PHF10: variants seen among roughly 807,000 people sequenced by gnomAD.
The protein encoded by PHF10 is PHD finger protein 10.
PHF10 carries 51 observed loss-of-function variants against 68.5 expected under a neutral mutation model. That is an observed-to-expected ratio of 0.74 (90% CI 0.59 to 0.94). The LOEUF is 0.94. Ranked by LOEUF, PHF10 falls within the 40% of genes least tolerant of loss-of-function variation. The pLI is 0.00. For synonymous variants in PHF10, 204 were observed against 203.5 expected, an observed-to-expected ratio of 1.00 and a Z score of -0.02; for missense variants, 460 against 602.6, an observed-to-expected ratio of 0.76 and a Z score of 2.48.
At chr6:169,706,727 T>TACATACACACACACAC (rs1490874788) in intron 9 of PHF10, among the ~76,000 whole-genome samples, 8 of 127,372 alleles carry the variant, frequency 6.3e-5, no homozygotes, top group South Asian at 2.7e-4. Flanking sequence ...CATACATACA[T>TACATACACACACACAC]ACACACACAC....
At chr6:169,715,504 T>C (rs1427350876) in intron 6 of PHF10, among the ~76,000 whole-genome samples, 1 of 151,574 alleles carries the variant, frequency 6.6e-6, no homozygotes, top group East Asian at 1.9e-4. Context: ...GAGGCGGAGG[T>C]TGCAGTGAGC....
Position 169,710,338 on chromosome 6 carries a change from C to T in PHF10, c.1011G>A (p.Glu337=), listed in dbSNP as rs1788899149. Residue 337 remains glutamate, a synonymous_variant, in exon 9 of 12, where the codon GAG becomes GAA. Transcript: ENST00000339209. ...ATTTCTGTCTTCCCTGGAAAGAGTC[C>T]TCCTGGCTGTCAGGAGGGCTTTCCC... is the stretch of plus-strand genomic sequence containing the variant. ...SEGESPPDSQ[E]DSFQGRQKSK... is the part of the protein sequence containing the mutation. The T allele has an allele frequency of 3.7e-6, 6 of 1,611,952 alleles. No homozygotes were observed. Among genetic ancestry groups the T allele is most frequent in the Non-Finnish European group, 5.1e-6 (6 of 1,178,218 alleles).
chr6:169,713,247 A>C (rs1788966739), intron 7 of PHF10, among the ~76,000 whole-genome samples: 1 of 152,200 alleles, frequency 6.6e-6, no homozygotes, highest in Admixed American at 6.5e-5. Context: ...CAAAAAGCAA[A>C]GGGGTTAATA....
chr6:169,714,242 G>A (rs1440725961), intron 7 of PHF10, among the ~76,000 whole-genome samples: 1 of 152,178 alleles, frequency 6.6e-6, no homozygotes, highest in Non-Finnish European at 1.5e-5. Flanking sequence ...AATGTGGCTG[G>A]GGCACCCAGT....
intron 9 of PHF10, 137 bp downstream of exon 9, chr6:169,710,099 G>A (rs142566799): frequency 6.7e-5 from 38 of 564,120 alleles, no homozygotes; most frequent in Middle Eastern, 5.2e-4. Context: ...AGAAAGCAGC[G>A]GACAAAGGGC....
Position 169,705,176 on chromosome 6 carries a change from T to A in PHF10, c.1368A>T (p.Arg456Ser). The A allele has an allele frequency of 6.2e-7, 1 of 1,612,876 alleles. No individual in the cohort carries two copies. Among genetic ancestry groups the A allele is most frequent in the Non-Finnish European group, 8.5e-7 (1 of 1,179,482 alleles). Residue 456 changes from arginine (R) to serine (S), a missense_variant, in exon 11 of 12, where the codon AGA becomes AGT. Arg to Ser is a moderately radical substitution (Grantham distance 110). Transcript: ENST00000339209. ...GGCCCACACAAAAAGTATGATAACC[T>A]CTGTCACACATATCACAGAACATCA... ...EEMMFCDMCD[R>S]GYHTFCVGLG...
At chr6:169,720,630 GGTT>G (rs1789153759) in intron 2 of PHF10, among the ~76,000 whole-genome samples, 1 of 152,130 alleles carries the variant, frequency 6.6e-6, no homozygotes, top group Non-Finnish European at 1.5e-5. Flanking sequence ...GTAGAATGAT[GGTT>G]GCAAGGCGCT....
chr6:169,712,164 C>T (rs1461289567), intron 8 of PHF10, among the ~76,000 whole-genome samples: 1 of 152,104 alleles, frequency 6.6e-6, no homozygotes, highest in Non-Finnish European at 1.5e-5. Flanking sequence ...GCCTAAACTG[C>T]TCATGGTAAC....
intron 7 of PHF10, among the ~76,000 whole-genome samples, chr6:169,713,441 A>G (rs1788971325): frequency 6.6e-6 from 1 of 151,946 alleles, no homozygotes; most frequent in Non-Finnish European, 1.5e-5. Context: ...TCTACTAAAT[A>G]TACAGAAAAT....
At chr6:169,705,578 C>A in intron 10 of PHF10, 38 bp downstream of exon 10, 1 of 1,038,842 alleles carries the variant, frequency 9.6e-7, no homozygotes, top group Non-Finnish European at 1.5e-6. Flanking sequence ...CCAATAAATA[C>A]GGTGGTTAAA....
chr6:169,721,716 A>C (rs979199136), intron 1 of PHF10, among the ~76,000 whole-genome samples: 4 of 152,168 alleles, frequency 2.6e-5, no homozygotes, highest in African/African-American at 9.7e-5. Flanking sequence ...AATGTAATCC[A>C]TTATGTGGCA....
At chr6:169,715,932 T>A (rs1167055434) in intron 5 of PHF10, 23 bp downstream of exon 5, 1 of 1,596,984 alleles carries the variant, frequency 6.3e-7, no homozygotes, top group Non-Finnish European at 8.5e-7. Context: ...AAATAAAAAA[T>A]GCCAGTCACC....
chr6:169,707,577 A>G (rs1323703180), intron 9 of PHF10: 3 of 152,204 alleles, frequency 2.0e-5, no homozygotes, highest in Admixed American at 2.0e-4. Flanking sequence ...TAACCAAACA[A>G]TATTAAATTC....
chr6:169,719,411 G>A (rs1789126453), intron 2 of PHF10: 1 of 153,040 alleles, frequency 6.5e-6, no homozygotes, highest in South Asian at 2.0e-4. Flanking sequence ...TTTGTTCTCA[G>A]ATACTCCACA....
At chr6:169,720,494 T>C (rs971636346) in intron 2 of PHF10, among the ~76,000 whole-genome samples, 5 of 152,162 alleles carry the variant, frequency 3.3e-5, no homozygotes, top group Admixed American at 6.5e-5. Flanking sequence ...GTCTGACATA[T>C]GCTACAAAGA....
rs1788738643 is a variant in PHF10 at position 169,705,208 on chromosome 6, CT to C, written c.1335del (p.Glu446LysfsTer3). 1 of 1,613,762 alleles carries C rather than the reference CT, an allele frequency of 6.2e-7. No individual in the cohort carries two copies. Among genetic ancestry groups the C allele is most frequent in the Non-Finnish European group, 8.5e-7 (1 of 1,179,824 alleles). ...TCIICGQPHH[E>X]EEMMFCDMCD... ...CACATATCACAGAACATCATTTCTT[CT>C]TCATGGTGGGGTTGTCCACATATAA... On this transcript the variant is annotated frameshift_variant, in exon 11 of 12. Coordinates refer to ENST00000339209, the MANE Select transcript of PHF10 (RefSeq NM_018288.4). LOFTEE classifies it high-confidence loss of function.
At chr6:169,717,736 TA>T in intron 4 of PHF10, 86 bp downstream of exon 4, 1 of 616,750 alleles carries the variant, frequency 1.6e-6, no homozygotes, top group Non-Finnish European at 2.9e-6. Flanking sequence ...ATTAATTTTG[TA>T]AAATATTTTA....
chr6:169,710,721 C>T (rs530800224), intron 8 of PHF10, among the ~76,000 whole-genome samples: 1 of 151,624 alleles, frequency 6.6e-6, no homozygotes, highest in Non-Finnish European at 1.5e-5. Context: ...TTTTCCGTCA[C>T]AAGGGAACAT....
At chr6:169,721,691 A>T (rs77090339) in intron 1 of PHF10, among the ~76,000 whole-genome samples, 3 of 151,882 alleles carry the variant, frequency 2.0e-5, no homozygotes, top group Admixed American at 6.6e-5. Flanking sequence ...TTTTTAAAGA[A>T]GATTATATAT....
Sources: allele counts gnomAD v4.1 joint callset (sites outside exome capture counted in the v4.1 genomes callset), GRCh38; gene constraint gnomAD v4.1.1; transcripts MANE v1.5; gene names NCBI Gene and HGNC (gene_info 2026-07-23, HGNC 2026-07-21).